The following ATRNL1 variants were observed in gnomAD, a reference collection of about 807,000 sequenced individuals.
ATRNL1 encodes attractin-like protein 1.
ATRNL1 carries 95 observed loss-of-function variants against 182.7 expected under a neutral mutation model. The observed-to-expected ratio is 0.52, with a 90% CI of 0.44 to 0.62. ATRNL1 has a LOEUF of 0.62. Among genes scored for constraint, ATRNL1 ranks in the 20% least tolerant of loss-of-function variants. The probability of loss-of-function intolerance (pLI) is 0.00; values close to 1 mark genes in which losing one functional copy is unlikely to be tolerated. For missense variants in ATRNL1, 1,471 were observed against 1,679.5 expected (o/e 0.88, Z 2.17); for synonymous variants, 576 against 568.3 (o/e 1.01, Z -0.19).
chr10:115,776,276 G>T (rs1435205216), intron 27 of ATRNL1, among the ~76,000 whole-genome samples: 3 of 152,156 alleles, frequency 2.0e-5, no homozygotes, highest in Non-Finnish European at 4.4e-5. Context: ...TGTTAATCTG[G>T]ACATGGAGTA....
At chr10:115,853,962 G>A (rs1213289416) in intron 28 of ATRNL1, among the ~76,000 whole-genome samples, 1 of 152,138 alleles carries the variant, frequency 6.6e-6, no homozygotes, top group Non-Finnish European at 1.5e-5. Context: ...TACAGTTATT[G>A]TGAATCCCCA....
intron 19 of ATRNL1, among the ~76,000 whole-genome samples, chr10:115,343,580 TTC>T (rs1415827200): frequency 6.6e-6 from 1 of 152,204 alleles, no homozygotes; most frequent in East Asian, 1.9e-4. Context: ...GTATTTTAAA[TTC>T]TCTGTTTGAA....
chr10:115,301,939 A>G lies in ATRNL1; in HGVS notation c.2714A>G (p.Glu905Gly). 6.2e-7 allele frequency: 1 copy of G among 1,614,026 alleles called. No homozygotes were observed. Among genetic ancestry groups the G allele is most frequent in the South Asian group, 1.1e-5 (1 of 91,086 alleles). The change falls in exon 17 of 29, where the codon GAG becomes GGG. Residue 905 changes from glutamate (E) to glycine (G), a missense_variant. This residue lies in a region of ATRNL1 where 1,031 missense variants were observed against 1,156.0 expected (regional missense o/e 0.89). Transcript: ENST00000355044. ...TCCAACTGTACAAGCAATGGCATGGAGTGTATGTGGTGCAGCAGTACGAAA... is the reference window on the plus strand; with the variant it reads ...TCCAACTGTACAAGCAATGGCATGGGGTGTATGTGGTGCAGCAGTACGAAA... ...SCSNCTSNGMECMWCSSTKRC... is the reference protein window; with the variant it reads ...SCSNCTSNGMGCMWCSSTKRC...
chr10:115,108,664 A>C (rs963638392), intron 1 of ATRNL1, among the ~76,000 whole-genome samples: 26 of 152,276 alleles, frequency 1.7e-4, no homozygotes, highest in African/African-American at 5.1e-4. Context: ...CAGAGAAGAG[A>C]GGATGGAGCC....
chr10:115,215,205 C>T (rs559532804), intron 8 of ATRNL1, among the ~76,000 whole-genome samples: 8 of 152,168 alleles, frequency 5.3e-5, no homozygotes, highest in African/African-American at 1.9e-4. Context: ...TCATCCTCTG[C>T]AATACAAAGG....
intron 14 of ATRNL1, 33 bp from the exon 15 acceptor site, chr10:115,286,183 T>C: frequency 6.5e-6 from 7 of 1,082,674 alleles, no homozygotes; most frequent in Non-Finnish European, 9.6e-6. Flanking sequence ...TTTTTGGTAA[T>C]CTAACAATAA....
At position 115,946,330 on chromosome 10, in the gene ATRNL1, G is replaced by A. The variant is rs1953875608; in HGVS notation, c.*1551G>A. 2 of 152,130 alleles carry A rather than the reference G, an allele frequency of 1.3e-5. No individual in the cohort carries two copies. The highest frequency in any genetic ancestry group is 4.1e-4 in the South Asian group (2 of 4,826). The allele number at this position is 152,130 out of a possible 1,614,324, so 9.4% of individuals were successfully genotyped here. A position where few individuals can be genotyped will look rare whatever the true frequency, so the allele number is the denominator to read the frequency against. On this transcript the variant is annotated 3_prime_UTR_variant, in exon 29 of 29. Coordinates refer to ENST00000355044, the MANE Select transcript of ATRNL1 (RefSeq NM_207303.4). ...CTATGACCCTATTGTGATATTAAGT[G>A]TTTATTTCATAATGCCATTTATACA...
chr10:115,102,292 A>C (rs1843801860), intron 1 of ATRNL1, among the ~76,000 whole-genome samples: 2 of 152,148 alleles, frequency 1.3e-5, no homozygotes, highest in African/African-American at 4.8e-5. Flanking sequence ...ATGTCTTTGT[A>C]CCTTTATTGA....
At chr10:115,143,056 T>C (rs187619999) in intron 5 of ATRNL1, among the ~76,000 whole-genome samples, 1 of 152,266 alleles carries the variant, frequency 6.6e-6, no homozygotes, top group Admixed American at 6.5e-5. Flanking sequence ...ATCTGTACTG[T>C]AGATATAAAT....
intron 9 of ATRNL1, among the ~76,000 whole-genome samples, chr10:115,217,838 C>A (rs1467510544): frequency 1.3e-5 from 2 of 152,088 alleles, no homozygotes; most frequent in African/African-American, 4.8e-5. Context: ...TTTAAACACA[C>A]AAAGTTATCA....
At chr10:115,151,473 T>C (rs1272157891) in intron 5 of ATRNL1, among the ~76,000 whole-genome samples, 4 of 152,218 alleles carry the variant, frequency 2.6e-5, no homozygotes, top group African/African-American at 9.7e-5. Flanking sequence ...TGATGGCCAG[T>C]GATGATGAGC....
At position 115,806,143 on chromosome 10, in the gene ATRNL1, G is replaced by A. The variant is rs532352415; in HGVS notation, c.3904-41734G>A. On this transcript the variant is annotated intron_variant, in intron 27 of 28. Transcript: ENST00000355044. Reference sequence around the variant, plus strand: ...TTAAACTTCAGTAATTTATTTCTGTGTTTCTTGGATTCCTTTTACTTCTGA... The same window carrying A: ...TTAAACTTCAGTAATTTATTTCTGTATTTCTTGGATTCCTTTTACTTCTGA... Among the ~76,000 whole-genome samples the A allele has an allele frequency of 1.4e-4, 22 of 152,206 alleles. 1 individual carries two copies. The highest frequency in any genetic ancestry group is 3.4e-3 in the Middle Eastern group (1 of 294).
chr10:115,707,827 T>A (rs1946947388), intron 26 of ATRNL1, among the ~76,000 whole-genome samples: 1 of 151,718 alleles, frequency 6.6e-6, no homozygotes, highest in South Asian at 2.1e-4. Context: ...TCTCATTATG[T>A]ATTTCATTAA....
At chr10:115,799,142 T>C (rs1949731817) in intron 27 of ATRNL1, among the ~76,000 whole-genome samples, 1 of 152,064 alleles carries the variant, frequency 6.6e-6, no homozygotes, top group African/African-American at 2.4e-5. Flanking sequence ...ACGTCGGAGA[T>C]CCTGTCTTAT....
At position 115,093,623 on chromosome 10, in the gene ATRNL1, TCGGA is replaced by T; in HGVS notation, c.-124_-121del. The T allele has an allele frequency of 9.1e-7, 1 of 1,102,878 alleles. No homozygotes were observed. Among genetic ancestry groups the T allele is most frequent in the Non-Finnish European group, 1.3e-6 (1 of 765,478 alleles). The allele number at this position is 1,102,878 out of a possible 1,614,324, so 68.3% of individuals were successfully genotyped here. On this transcript the variant is annotated 5_prime_UTR_variant, in exon 1 of 29. An upstream open reading frame in the 5' UTR loses its in-frame stop. Coordinates refer to ENST00000355044, the MANE Select transcript of ATRNL1 (RefSeq NM_207303.4). The surrounding 1 kb of genome is among the most constrained non-coding windows in gnomAD (Gnocchi z 6.1). ...GTCCCTCCTGACCGGGGAGCGGGACTCGGACGGGCGCCGGTGAGGAGGAGGAGAA... is the reference window on the plus strand; with the variant it reads ...GTCCCTCCTGACCGGGGAGCGGGACTCGGGCGCCGGTGAGGAGGAGGAGAA...
At chr10:115,318,134 G>A (rs1052063029) in intron 18 of ATRNL1, among the ~76,000 whole-genome samples, 2 of 152,102 alleles carry the variant, frequency 1.3e-5, no homozygotes, top group Non-Finnish European at 2.9e-5. Context: ...GGCCTTTTCT[G>A]CATCTATTGA....
At chr10:115,840,046 A>G (rs1459949471) in intron 27 of ATRNL1, among the ~76,000 whole-genome samples, 2 of 152,296 alleles carry the variant, frequency 1.3e-5, no homozygotes, top group East Asian at 3.9e-4. Flanking sequence ...CCATTTATTC[A>G]TAAAATATTT....
intron 26 of ATRNL1, among the ~76,000 whole-genome samples, chr10:115,586,709 A>G (rs1855528304): frequency 1.7e-5 from 2 of 120,064 alleles, no homozygotes; most frequent in East Asian, 4.1e-4. Flanking sequence ...ATGTCCTCCC[A>G]TATCTCAGAG....
chr10:115,466,984 A>G (rs1272513401), intron 22 of ATRNL1, among the ~76,000 whole-genome samples, 190 bp from the exon 23 acceptor site: 1 of 151,102 alleles, frequency 6.6e-6, no homozygotes, highest in Non-Finnish European at 1.5e-5. Flanking sequence ...GGAACTTGAT[A>G]TCTACCTTTG....
Sources: gnomAD v4.1 joint callset for allele counts (sites outside exome capture counted in the v4.1 genomes callset) on GRCh38, gnomAD v4.1.1 for gene constraint, gnomAD v4.1.1 regional missense constraint, Gnocchi (gnomAD v3.1) non-coding constraint, MANE v1.5 for transcripts, NCBI Gene and HGNC (gene_info 2026-07-23, HGNC 2026-07-21) for gene names.